The following CDH23 variants were observed in gnomAD, a reference collection of about 807,000 sequenced individuals.
CDH23 encodes the protein cadherin related 23, also known as cadherin-23.
CDH23 carries 189 observed loss-of-function variants against 317.1 expected under a neutral mutation model. That is an observed-to-expected ratio of 0.60 (90% CI 0.53 to 0.67). The LOEUF is 0.67. Among genes scored for constraint, CDH23 ranks in the 30% least tolerant of loss-of-function variants. The pLI is 0.00. For synonymous variants in CDH23, 1,839 were observed against 1,876.8 expected, an observed-to-expected ratio of 0.98 and a Z score of 0.52; for missense variants, 4,401 against 4,592.4, an observed-to-expected ratio of 0.96 and a Z score of 1.20.
chr10:71,702,284 G>A (rs1409222088), intron 23 of CDH23, 73 bp downstream of exon 23: 6 of 1,503,068 alleles, frequency 4.0e-6, no homozygotes, highest in African/African-American at 2.7e-5. Flanking sequence ...GGGCCTCTGG[G>A]GTACCTGGGG....
At chr10:71,501,461 C>T (rs765637217) in intron 3 of CDH23, among the ~76,000 whole-genome samples, 2 of 152,062 alleles carry the variant, frequency 1.3e-5, no homozygotes, top group Admixed American at 6.5e-5. Context: ...GTGAGGGCGT[C>T]GATCAGTGAA....
At chr10:71,487,156 G>A (rs946515271) in intron 3 of CDH23, among the ~76,000 whole-genome samples, 25 of 152,230 alleles carry the variant, frequency 1.6e-4, no homozygotes, top group South Asian at 2.1e-4. Flanking sequence ...AAGTTCACAC[G>A]TCATTTCCTT....
chr10:71,403,467 TTCC>T (rs1564558673), intron 1 of CDH23, among the ~76,000 whole-genome samples: 7 of 63,076 alleles, frequency 1.1e-4, no homozygotes, highest in African/African-American at 6.4e-4. Context: ...CCTTCCTTCC[TTCC>T]TTCCTTCCTT....
intron 38 of CDH23, among the ~76,000 whole-genome samples, chr10:71,761,336 C>CCTA (rs1840378328): frequency 2.6e-5 from 4 of 152,212 alleles, no homozygotes; most frequent in Admixed American, 2.0e-4. Flanking sequence ...CACTCCCAGC[C>CCTA]CAGGTACCTA....
intron 46 of CDH23, chr10:71,790,663 G>T: frequency 5.5e-6 from 3 of 542,436 alleles, no homozygotes; most frequent in Non-Finnish European, 9.8e-6. Context: ...CCTGGGCCGG[G>T]AGCCCCCCAG....
intron 22 of CDH23, among the ~76,000 whole-genome samples, chr10:71,698,874 C>T (rs1336279141): frequency 6.6e-6 from 1 of 152,182 alleles, no homozygotes; most frequent in Non-Finnish European, 1.5e-5. Context: ...CCAAAATGCC[C>T]AAGTTCTCAC....
intron 32 of CDH23, chr10:71,732,786 G>A (rs1839434008): frequency 1.1e-6 from 1 of 904,812 alleles, no homozygotes; most frequent in Admixed American, 4.9e-5. Context: ...TTCACCTCTG[G>A]TCATCGAAGT....
chr10:71,497,533 C>T (rs187118711), intron 3 of CDH23, among the ~76,000 whole-genome samples: 1 of 152,308 alleles, frequency 6.6e-6, no homozygotes, highest in East Asian at 1.9e-4. Context: ...CTGCCATGGA[C>T]CCTGGCTGCT....
chr10:71,476,397 G>T (rs1465127113), intron 3 of CDH23, among the ~76,000 whole-genome samples: 2 of 152,170 alleles, frequency 1.3e-5, no homozygotes, highest in African/African-American at 4.8e-5. Flanking sequence ...GGAACCCAGG[G>T]CCCGGAGAAG....
At chr10:71,447,910 A>C (rs1056182844) in intron 3 of CDH23, among the ~76,000 whole-genome samples, 40 of 152,218 alleles carry the variant, frequency 2.6e-4, no homozygotes, top group African/African-American at 9.4e-4. Flanking sequence ...ATAGCAGCAC[A>C]CAGTGCATGT....
intron 34 of CDH23, 119 bp from the exon 35 acceptor site, chr10:71,738,379 T>C: frequency 8.4e-7 from 1 of 1,185,378 alleles, no homozygotes; most frequent in Non-Finnish European, 1.3e-6. Context: ...CTCTGAGGGT[T>C]TGCTGATGTT....
chr10:71,545,382 A>G (rs1424277372), intron 6 of CDH23, among the ~76,000 whole-genome samples: 1 of 151,960 alleles, frequency 6.6e-6, no homozygotes, highest in Non-Finnish European at 1.5e-5. Flanking sequence ...TGCACCTTCC[A>G]CTTTCTCGGG....
intron 43 of CDH23, 61 bp downstream of exon 43, chr10:71,785,161 C>A: frequency 7.1e-7 from 1 of 1,417,794 alleles, no homozygotes; most frequent in Non-Finnish European, 9.8e-7. Context: ...GAGGACCCTG[C>A]CCTAGAGGCT....
chr10:71,756,181 C>T (rs1032326807), intron 38 of CDH23, among the ~76,000 whole-genome samples: 6 of 152,096 alleles, frequency 3.9e-5, no homozygotes, highest in East Asian at 1.9e-4. Context: ...AAAAAATATT[C>T]GAATCTCCTC....
chr10:71,505,730 C>T (rs1248450600), intron 3 of CDH23, among the ~76,000 whole-genome samples: 1 of 152,204 alleles, frequency 6.6e-6, no homozygotes, highest in East Asian at 1.9e-4. Context: ...CTGTGAATAG[C>T]AGGGTATCCT....
chr10:71,633,190 G>A (rs1002951433), intron 11 of CDH23, among the ~76,000 whole-genome samples: 2 of 151,990 alleles, frequency 1.3e-5, no homozygotes, highest in African/African-American at 4.8e-5. Flanking sequence ...ACCTCTTAAA[G>A]GCCCCACCTC....
At chr10:71,786,461 C>G (rs1841107997) in intron 44 of CDH23, among the ~76,000 whole-genome samples, 1 of 151,052 alleles carries the variant, frequency 6.6e-6, no homozygotes, top group Non-Finnish European at 1.5e-5. Flanking sequence ...CATGCCCCTC[C>G]CATGTGGTGC....
chr10:71,688,960 G>C (rs1320693269), intron 19 of CDH23, among the ~76,000 whole-genome samples: 4 of 11,676 alleles, frequency 3.4e-4, no homozygotes, highest in African/African-American at 5.1e-4. Context: ...GTGGAGTCAG[G>C]GGTGGTGGAG....
chr10:71,524,683 A>G (rs7912875), intron 6 of CDH23, among the ~76,000 whole-genome samples: 3,181 of 152,270 alleles, frequency 0.021, 99 homozygotes, highest in African/African-American at 0.073. Context: ...TGTAATCACC[A>G]GGGTCCTTAT....
Sources: allele counts gnomAD v4.1 joint callset (sites outside exome capture counted in the v4.1 genomes callset), GRCh38; gene constraint gnomAD v4.1.1; transcripts MANE v1.5; gene names NCBI Gene and HGNC (gene_info 2026-07-23, HGNC 2026-07-21).